The following ZMAT4 variants were observed in gnomAD, a reference collection of about 807,000 sequenced individuals.
ZMAT4 encodes the protein zinc finger matrin-type protein 4.
A neutral mutation model predicts 28.7 loss-of-function variants in ZMAT4; 17 were observed. The observed-to-expected ratio is 0.59, with a 90% CI of 0.41 to 0.89. ZMAT4 has a LOEUF of 0.89. ZMAT4 is among the 40% of genes least tolerant of loss of function. ZMAT4 has a pLI of 0.00. For synonymous variants in ZMAT4, 117 were observed against 109.2 expected (o/e 1.07, Z -0.44); for missense variants, 240 against 283.8 (o/e 0.85, Z 1.11).
chr8:40,633,986 A>G (rs1203320874), intron 5 of ZMAT4, among the ~76,000 whole-genome samples: 1 of 152,212 alleles, frequency 6.6e-6, no homozygotes, highest in Non-Finnish European at 1.5e-5. Context: ...GGAAGTCAGC[A>G]GTGATGAAGG....
chr8:40,655,484 C>A (rs1299115962), intron 5 of ZMAT4, among the ~76,000 whole-genome samples: 1 of 148,914 alleles, frequency 6.7e-6, no homozygotes, highest in Admixed American at 6.7e-5. Context: ...TAAAAAAACC[C>A]AAAACACCAA....
intron 1 of ZMAT4, among the ~76,000 whole-genome samples, chr8:40,868,264 A>G (rs1334313103): frequency 1.3e-5 from 2 of 152,172 alleles, no homozygotes; most frequent in Non-Finnish European, 2.9e-5. Flanking sequence ...GGACCACAGG[A>G]TATCAGGAGA....
At chr8:40,729,549 T>C (rs1811445132) in intron 3 of ZMAT4, among the ~76,000 whole-genome samples, 1 of 152,174 alleles carries the variant, frequency 6.6e-6, no homozygotes, top group Non-Finnish European at 1.5e-5. Flanking sequence ...CAAATAATTT[T>C]TAGTTAATGC....
intron 6 of ZMAT4, among the ~76,000 whole-genome samples, chr8:40,574,597 G>A (rs776586219): frequency 6.6e-6 from 1 of 152,132 alleles, no homozygotes; most frequent in Non-Finnish European, 1.5e-5. Flanking sequence ...AAATTTGATT[G>A]GAGTGTCTGA....
intron 6 of ZMAT4, among the ~76,000 whole-genome samples, chr8:40,555,262 C>T (rs1803497298): frequency 6.6e-6 from 1 of 152,156 alleles, no homozygotes; most frequent in South Asian, 2.1e-4. Context: ...ATTGCGAATA[C>T]TGCCACAATA....
intron 5 of ZMAT4, among the ~76,000 whole-genome samples, chr8:40,609,917 T>C (rs1196037940): frequency 6.6e-6 from 1 of 152,210 alleles, no homozygotes; most frequent in East Asian, 1.9e-4. Context: ...TGTCAGTGAA[T>C]GCACATTGCA....
At chr8:40,697,092 G>C in intron 4 of ZMAT4, 153 bp downstream of exon 4, 1 of 839,888 alleles carries the variant, frequency 1.2e-6, no homozygotes, top group Non-Finnish European at 1.8e-6. Context: ...AGCCAGGTCT[G>C]CTGAGGTCAG....
chr8:40,750,966 C>G (rs973873039), intron 3 of ZMAT4, among the ~76,000 whole-genome samples: 1 of 152,150 alleles, frequency 6.6e-6, no homozygotes, highest in Non-Finnish European at 1.5e-5. Context: ...TTTCAAGGGC[C>G]CATTTAGTGT....
chr8:40,681,022 T>C (rs1415258874), intron 4 of ZMAT4, among the ~76,000 whole-genome samples: 1 of 152,198 alleles, frequency 6.6e-6, no homozygotes, highest in East Asian at 1.9e-4. Flanking sequence ...TATTGTGCAG[T>C]TTACTATGTC....
chr8:40,547,416 G>C (rs1343402414), intron 6 of ZMAT4, among the ~76,000 whole-genome samples: 1 of 152,176 alleles, frequency 6.6e-6, no homozygotes, highest in Non-Finnish European at 1.5e-5. Flanking sequence ...GCATTTCACT[G>C]TTTGGAAATG....
At chr8:40,771,585 A>C (rs1292635979) in intron 2 of ZMAT4, among the ~76,000 whole-genome samples, 2 of 152,236 alleles carry the variant, frequency 1.3e-5, no homozygotes, top group Non-Finnish European at 2.9e-5. Context: ...ACCCTTGTTA[A>C]TGTCTTATTA....
At chr8:40,781,780 A>G (rs1403919185) in intron 2 of ZMAT4, among the ~76,000 whole-genome samples, 7 of 140,598 alleles carry the variant, frequency 5.0e-5, no homozygotes, top group East Asian at 2.4e-4. Flanking sequence ...AAAAAAAAAA[A>G]AAAAAAAAAA....
intron 2 of ZMAT4, among the ~76,000 whole-genome samples, chr8:40,784,284 T>C (rs2150574135): frequency 6.6e-6 from 1 of 152,322 alleles, no homozygotes; most frequent in East Asian, 1.9e-4. Context: ...AAATCAATAT[T>C]ATTCACCACA....
chr8:40,760,547 A>C (rs1812881063), intron 3 of ZMAT4, among the ~76,000 whole-genome samples: 1 of 152,206 alleles, frequency 6.6e-6, no homozygotes, highest in South Asian at 2.1e-4. Context: ...AAACAGTACA[A>C]AATCTGCAAT....
At chr8:40,705,729 G>T (rs907847898) in intron 3 of ZMAT4, among the ~76,000 whole-genome samples, 1 of 152,136 alleles carries the variant, frequency 6.6e-6, no homozygotes, top group Admixed American at 6.5e-5. Context: ...TTTGTGGCAA[G>T]AGCACTTAAC....
chr8:40,661,430 T>C (rs1273814144), intron 5 of ZMAT4, among the ~76,000 whole-genome samples: 2 of 152,216 alleles, frequency 1.3e-5, no homozygotes, highest in Admixed American at 6.5e-5. Context: ...CAAAATGAGA[T>C]AGTAAACAAA....
chr8:40,800,545 T>A (rs1009054713), intron 2 of ZMAT4, among the ~76,000 whole-genome samples: 2 of 151,776 alleles, frequency 1.3e-5, no homozygotes, highest in East Asian at 3.9e-4. Context: ...ATAATAGAAA[T>A]CACTATCAGT....
chr8:40,624,266 C>G lies in ZMAT4; in HGVS notation c.578-43005G>C, dbSNP rs78237306. On this transcript the variant is annotated intron_variant, in intron 5 of 6. Coordinates refer to ENST00000297737, the MANE Select transcript of ZMAT4 (RefSeq NM_024645.3). Reference sequence around the variant, plus strand: ...TATAAGATGACAAAAAGAGATTTCTCTCTCACTCTCTCTGCACACACACTG... The same window carrying G: ...TATAAGATGACAAAAAGAGATTTCTGTCTCACTCTCTCTGCACACACACTG... 1.8e-3 allele frequency among the ~76,000 whole-genome samples: 278 copies of G among 152,302 alleles called. 1 individual carries two copies. The highest frequency in any genetic ancestry group is 6.3e-3 in the African/African-American group (263 of 41,562).
intron 2 of ZMAT4, among the ~76,000 whole-genome samples, chr8:40,774,805 G>T (rs1417269071): frequency 6.6e-6 from 1 of 151,970 alleles, no homozygotes; most frequent in Non-Finnish European, 1.5e-5. Flanking sequence ...TGTACAAAAG[G>T]ATTAGCATTG....
Sources: gnomAD v4.1 joint callset for allele counts (sites outside exome capture counted in the v4.1 genomes callset) on GRCh38, gnomAD v4.1.1 for gene constraint, MANE v1.5 for transcripts, NCBI Gene and HGNC (gene_info 2026-07-23, HGNC 2026-07-21) for gene names.